The following TMEFF1 variants were observed in gnomAD, a reference collection of about 807,000 sequenced individuals.
TMEFF1 encodes the protein transmembrane protein with EGF like and two follistatin like domains 1.
In TMEFF1, 20 loss-of-function variants were observed where a neutral mutation model predicts 47.5. That is an observed-to-expected ratio of 0.42 (90% CI 0.30 to 0.61). The LOEUF (loss-of-function observed/expected upper bound fraction) is 0.61, where lower values mean the gene tolerates loss of function less well. Among genes scored for constraint, TMEFF1 ranks in the 20% least tolerant of loss-of-function variants. The probability of loss-of-function intolerance (pLI) is 0.19; values close to 1 mark genes in which losing one functional copy is unlikely to be tolerated. For missense variants in TMEFF1, 411 were observed against 471.1 expected, an observed-to-expected ratio of 0.87 and a Z score of 1.18; for synonymous variants, 162 against 166.3, an observed-to-expected ratio of 0.97 and a Z score of 0.20.
In TMEFF1 at chr9:100,484,814, G is replaced by A. The variant is rs139855034; in HGVS notation, c.196+11074G>A. Among the ~76,000 whole-genome samples, 772 of 151,268 alleles carry A rather than the reference G, an allele frequency of 5.1e-3. 4 individuals carry two copies. The highest frequency in any genetic ancestry group is 0.011 in the Admixed American group (173 of 15,160). ...AAGAGATTCTCATACCTCGGCATGA[G>A]ATTCAGGTGCCTGTCACTGCGCCTG... On this transcript the variant is annotated intron_variant, in intron 1 of 9. Transcript: ENST00000374879.
chr9:100,533,347 T>C (rs985390553), intron 5 of TMEFF1, among the ~76,000 whole-genome samples: 1 of 152,220 alleles, frequency 6.6e-6, no homozygotes, highest in Non-Finnish European at 1.5e-5. Flanking sequence ...ATTGCCTTTT[T>C]TTTTAGAACT....
At chr9:100,487,954 T>G (rs768008550) in intron 1 of TMEFF1, among the ~76,000 whole-genome samples, 11 of 152,158 alleles carry the variant, frequency 7.2e-5, no homozygotes, top group Non-Finnish European at 1.6e-4. Context: ...GGTTTTTCAG[T>G]GCCAGTATGC....
intron 7 of TMEFF1, among the ~76,000 whole-genome samples, chr9:100,552,803 A>C (rs1296618747): frequency 2.0e-5 from 3 of 151,850 alleles, no homozygotes; most frequent in Non-Finnish European, 4.4e-5. Flanking sequence ...TTGAGGCTGC[A>C]GTCAACTGAG....
At chr9:100,496,967 C>G (rs542634698) in intron 1 of TMEFF1, among the ~76,000 whole-genome samples, 1 of 152,302 alleles carries the variant, frequency 6.6e-6, no homozygotes, top group Non-Finnish European at 1.5e-5. Context: ...CATTCTTACC[C>G]TCTTTTACAG....
intron 5 of TMEFF1, among the ~76,000 whole-genome samples, chr9:100,522,530 C>T (rs1356470899): frequency 1.3e-5 from 2 of 148,946 alleles, no homozygotes; most frequent in African/African-American, 5.0e-5. Flanking sequence ...TTCCGCCTCC[C>T]GGGTTCAAGC....
chr9:100,532,046 A>G (rs1400493885), intron 5 of TMEFF1, among the ~76,000 whole-genome samples: 1 of 151,906 alleles, frequency 6.6e-6, no homozygotes, highest in East Asian at 1.9e-4. Flanking sequence ...ATATGTAGAA[A>G]GCTGAAACTG....
At chr9:100,565,151 G>A (rs2483623) in intron 8 of TMEFF1, among the ~76,000 whole-genome samples, 4,731 of 152,238 alleles carry the variant, frequency 0.031, 136 homozygotes, top group Non-Finnish European at 0.048. Context: ...ACTGATGAGA[G>A]AGATGTGATT....
chr9:100,552,232 A>G (rs960219120), intron 7 of TMEFF1, among the ~76,000 whole-genome samples: 3 of 152,224 alleles, frequency 2.0e-5, no homozygotes, highest in Non-Finnish European at 4.4e-5. Flanking sequence ...AAGGCTACAA[A>G]GTTAACCATT....
At chr9:100,566,400 A>G (rs2118561850) in intron 8 of TMEFF1, among the ~76,000 whole-genome samples, 1 of 152,326 alleles carries the variant, frequency 6.6e-6, no homozygotes, top group African/African-American at 2.4e-5. Flanking sequence ...TGATCTCCTG[A>G]TCTGCTCTCC....
At position 100,473,859 on chromosome 9, in the gene TMEFF1, CG is replaced by C; in HGVS notation, c.196+120del. ...GTCGTGGGGGTCCCAGGGGTGGGCC[CG>C]AGGGTGAGCGAGGGCGGAGGGCAGG... On this transcript the variant is annotated intron_variant, in intron 1 of 9. Transcript: ENST00000374879. The surrounding 1 kb of genome is among the most constrained non-coding windows in gnomAD (Gnocchi z 5.4). The C allele has an allele frequency of 8.4e-7, 1 of 1,186,704 alleles. No individual in the cohort carries two copies. The highest frequency in any genetic ancestry group is 1.1e-6 in the Non-Finnish European group (1 of 911,052). The allele number at this position is 1,186,704 out of a possible 1,614,324, so 73.5% of individuals were successfully genotyped here. A position where few individuals can be genotyped will look rare whatever the true frequency, so the allele number is the denominator to read the frequency against.
chr9:100,474,214 T>C (rs531371299), intron 1 of TMEFF1, among the ~76,000 whole-genome samples: 11 of 141,574 alleles, frequency 7.8e-5, no homozygotes, highest in Non-Finnish European at 6.1e-5. Context: ...CATGTGCTGA[T>C]GTGCTGGGGA....
At chr9:100,574,637 A>G (rs1039065314) in intron 9 of TMEFF1, among the ~76,000 whole-genome samples, 1 of 152,012 alleles carries the variant, frequency 6.6e-6, no homozygotes, top group Non-Finnish European at 1.5e-5. Flanking sequence ...TCGGTCTCGC[A>G]AAGTGCTGGG....
At chr9:100,477,771 C>T (rs7041892) in intron 1 of TMEFF1, among the ~76,000 whole-genome samples, 19,807 of 151,754 alleles carry the variant, frequency 0.13, 1,438 homozygotes, top group Middle Eastern at 0.2. Flanking sequence ...GGACTACAGG[C>T]GCACACCACC....
In TMEFF1 at chr9:100,572,600, A is replaced by G; in HGVS notation, c.982A>G (p.Thr328Ala). The change falls in exon 9 of 10, where the codon ACT becomes GCT. Residue 328 changes from threonine to alanine, a missense_variant. Transcript: ENST00000374879. ...LYVVPSRQKL[T>A]HVLIAAIIGA... Reference sequence around the variant, plus strand: ...TGTAGTGCCAAGTAGGCAAAAGCTCACTCATGTTCTTATTGCAGCAATTAT... The same window carrying G: ...TGTAGTGCCAAGTAGGCAAAAGCTCGCTCATGTTCTTATTGCAGCAATTAT... The G allele has an allele frequency of 1.2e-6, 2 of 1,613,610 alleles. No homozygotes were observed.
intron 7 of TMEFF1, among the ~76,000 whole-genome samples, chr9:100,560,217 T>A (rs1838988742): frequency 6.6e-6 from 1 of 152,124 alleles, no homozygotes; most frequent in Non-Finnish European, 1.5e-5. Flanking sequence ...AGCTGGTTGT[T>A]TTGGTGGTAT....
intron 4 of TMEFF1, among the ~76,000 whole-genome samples, chr9:100,514,041 CTAATGAGGCTATAATTCT>C (rs1362499012): frequency 1.3e-5 from 2 of 152,100 alleles, no homozygotes; most frequent in Non-Finnish European, 2.9e-5. Context: ...ATATCATAGT[CTAATGAGGCTATAATTCT>C]TAATGAGTAT....
intron 9 of TMEFF1, among the ~76,000 whole-genome samples, chr9:100,575,873 T>A (rs1225000486): frequency 6.6e-6 from 1 of 152,056 alleles, no homozygotes; most frequent in East Asian, 1.9e-4. Flanking sequence ...GTGAGATTTG[T>A]ACTGCTGTTG....
intron 9 of TMEFF1, among the ~76,000 whole-genome samples, chr9:100,574,897 A>G (rs16919204): frequency 0.044 from 6,625 of 152,164 alleles, 311 homozygotes; most frequent in South Asian, 0.21. Flanking sequence ...TGAAGTAGGT[A>G]CCCTCTAGTT....
intron 1 of TMEFF1, among the ~76,000 whole-genome samples, chr9:100,490,630 A>G (rs1294270630): frequency 6.6e-6 from 1 of 152,024 alleles, no homozygotes; most frequent in Non-Finnish European, 1.5e-5. Context: ...GCCCTTCCTG[A>G]TATCTAAACT....
Sources: gnomAD v4.1 joint callset for allele counts (sites outside exome capture counted in the v4.1 genomes callset) on GRCh38, gnomAD v4.1.1 for gene constraint, Gnocchi (gnomAD v3.1) non-coding constraint, MANE v1.5 for transcripts, NCBI Gene and HGNC (gene_info 2026-07-23, HGNC 2026-07-21) for gene names.